ALPG: variants seen among roughly 807,000 people sequenced by gnomAD.
ALPG encodes alkaline phosphatase, germ cell.
Under a neutral mutation model 48.6 loss-of-function variants are expected in ALPG, and 32 were observed. The ratio of observed to expected loss-of-function variants is 0.66; its 90% CI spans 0.50 to 0.88. The LOEUF is 0.88. Ranked by LOEUF, ALPG falls within the 40% of genes least tolerant of loss-of-function variation. The pLI, the probability that ALPG is intolerant of heterozygous loss-of-function variation, is 0.00. For missense variants in ALPG, 533 were observed against 718.1 expected (o/e 0.74, Z 2.95); for synonymous variants, 244 against 308.9 (o/e 0.79, Z 2.20).
Position 232,409,794 on chromosome 2 carries a change from G to C in ALPG, c.1521G>C (p.Pro507=), listed in dbSNP as rs758156383. 10 of 1,598,634 alleles carry C rather than the reference G, an allele frequency of 6.3e-6. No individual in the cohort carries two copies. The highest frequency in any genetic ancestry group is 7.7e-6 in the Non-Finnish European group (9 of 1,173,736). ...PRAGTTDAAH[P]GPSVVPALLP... is the part of the protein sequence containing the mutation. ...CCGGCACCACCGACGCCGCGCACCC[G>C]GGGCCGTCCGTGGTCCCCGCGTTGC... is the stretch of plus-strand genomic sequence containing the variant. Residue 507 remains proline (P), a synonymous_variant, in exon 11 of 11, where the codon CCG becomes CCC. Transcript: ENST00000295453.
In ALPG at chr2:232,407,369, A is replaced by G; in HGVS notation, c.268A>G (p.Met90Val). 2 of 1,613,898 alleles carry G rather than the reference A, an allele frequency of 1.2e-6. No homozygotes were observed. The highest frequency in any genetic ancestry group is 1.7e-6 in the Non-Finnish European group (2 of 1,179,992). Residue 90 changes from methionine (M) to valine (V), a missense_variant, in exon 3 of 11, where the codon ATG (methionine) becomes GTG (valine). Transcript: ENST00000295453. Reference sequence around the variant, plus strand: ...ACTGGGGCCTGAGACCTTCCTGGCCATGGACCGCTTCCCGTACGTGGCTCT... The same window carrying G: ...ACTGGGGCCTGAGACCTTCCTGGCCGTGGACCGCTTCCCGTACGTGGCTCT... ...DKLGPETFLAMDRFPYVALSK... is the reference protein window; with the variant it reads ...DKLGPETFLAVDRFPYVALSK...
In ALPG at chr2:232,407,715, A is replaced by G. The variant is rs1380054893; in HGVS notation, c.422A>G (p.Asn141Ser). 1.2e-6 allele frequency: 2 copies of G among 1,613,788 alleles called. No individual in the cohort carries two copies. Among genetic ancestry groups the G allele is most frequent in the Non-Finnish European group, 1.7e-6 (2 of 1,180,006 alleles). ...LSAAARFNQC[N>S]TTRGNEVISV... Reference sequence around the variant, plus strand: ...GCAGCCGCCCGCTTTAACCAGTGCAACACGACACGCGGCAACGAGGTCATC... The same window carrying G: ...GCAGCCGCCCGCTTTAACCAGTGCAGCACGACACGCGGCAACGAGGTCATC... Residue 141 changes from asparagine to serine, a missense_variant, in exon 4 of 11, where the codon AAC becomes AGC. Asn to Ser is a conservative substitution (Grantham distance 46). Transcript: ENST00000295453.
Position 232,407,637 on chromosome 2 carries a change from C to T in ALPG, c.344C>T (p.Ala115Val), listed in dbSNP as rs1697110676. 1.2e-6 allele frequency: 2 copies of T among 1,613,946 alleles called. No homozygotes were observed. The highest frequency in any genetic ancestry group is 1.7e-6 in the Non-Finnish European group (2 of 1,180,028). ...CATGTGCCAGACAGTGGAGCCACAGCCACGGCCTACCTGTGCGGGGTCAAG... is the reference window on the plus strand; with the variant it reads ...CATGTGCCAGACAGTGGAGCCACAGTCACGGCCTACCTGTGCGGGGTCAAG... ...DKHVPDSGAT[A>V]TAYLCGVKGN... The change falls in exon 4 of 11, where the codon GCC (alanine) becomes GTC (valine). Residue 115 changes from alanine (A) to valine (V), a missense_variant. Coordinates refer to ENST00000295453, the MANE Select transcript of ALPG (RefSeq NM_031313.3).
At position 232,408,023 on chromosome 2, in the gene ALPG, AC is replaced by A; in HGVS notation, c.648+11del. 1.9e-6 allele frequency: 3 copies of A among 1,605,420 alleles called. No homozygotes were observed. The highest frequency in any genetic ancestry group is 2.6e-6 in the Non-Finnish European group (3 of 1,176,010). ...TCTCCAACATGGACATTGATGTGCGACCCCCGGGCCAAGGGCTGGGGCTGGG... is the reference window on the plus strand; with the variant it reads ...TCTCCAACATGGACATTGATGTGCGACCCCGGGCCAAGGGCTGGGGCTGGG... On this transcript the variant is annotated splice_region_variant and intron_variant, in intron 5 of 10. Transcript: ENST00000295453.
intron 4 of ALPG, 24 bp from the exon 5 acceptor site, chr2:232,407,820 AT>A: frequency 6.2e-7 from 1 of 1,613,394 alleles, no homozygotes; most frequent in Non-Finnish European, 8.5e-7. Flanking sequence ...CCTCTATCGC[AT>A]ATCCTGACCT....
Position 232,407,742 on chromosome 2 carries a change from C to T in ALPG, c.449C>T (p.Ser150Phe). Residue 150 changes from serine to phenylalanine, a missense_variant, in exon 4 of 11, where the codon TCC (serine) becomes TTC (phenylalanine). Physicochemically the swap from Ser to Phe is radical, Grantham distance 155 (BLOSUM62 -2). Coordinates refer to ENST00000295453, the MANE Select transcript of ALPG (RefSeq NM_031313.3). Reference sequence around the variant, plus strand: ...ACGACACGCGGCAACGAGGTCATCTCCGTGATGAATCGGGCCAAGAAAGCA... The same window carrying T: ...ACGACACGCGGCAACGAGGTCATCTTCGTGATGAATCGGGCCAAGAAAGCA... The part of the protein sequence containing the change: ...CNTTRGNEVI[S>F]VMNRAKKAGK... 1 of 1,613,818 alleles carries T rather than the reference C, an allele frequency of 6.2e-7. No homozygotes were observed. The highest frequency in any genetic ancestry group is 1.1e-5 in the South Asian group (1 of 90,968).
rs769844172 is a variant in ALPG at position 232,407,588 on chromosome 2, C to T, written c.301-6C>T. On this transcript the variant is annotated splice_region_variant and splice_polypyrimidine_tract_variant and intron_variant, in intron 3 of 10. Transcript: ENST00000295453. ...AGAGAAGAGCTCAGAGTGTCTCTGT[C>T]CCCAGACATACAGTGTAGACAAGCA... 7.4e-6 allele frequency: 12 copies of T among 1,613,622 alleles called. No homozygotes were observed. The East Asian group carries it at 2.5e-4, about 33-fold the overall frequency.
chr2:232,410,127 T>C lies in ALPG; in HGVS notation c.*255T>C. On this transcript the variant is annotated 3_prime_UTR_variant, in exon 11 of 11. Coordinates refer to ENST00000295453, the MANE Select transcript of ALPG (RefSeq NM_031313.3). ...TTTGTGCCTGGCAGCTGCCTGCATT[T>C]CAGGAAAAGAGGAGGCTCAGACCAT... 1.6e-6 allele frequency: 1 copy of C among 612,684 alleles called. No individual in the cohort carries two copies. Among genetic ancestry groups the C allele is most frequent in the South Asian group, 2.1e-5 (1 of 47,962 alleles). The allele number at this position is 612,684 out of a possible 1,614,324, so 38.0% of individuals were successfully genotyped here. A position where few individuals can be genotyped will look rare whatever the true frequency, so the allele number is the denominator to read the frequency against.
Position 232,408,269 on chromosome 2 carries a change from G to A in ALPG, c.651G>A (p.Val217=), listed in dbSNP as rs1488433164. 1 of 1,613,592 alleles carries A rather than the reference G, an allele frequency of 6.2e-7. No homozygotes were observed. Among genetic ancestry groups the A allele is most frequent in the Non-Finnish European group, 8.5e-7 (1 of 1,179,882 alleles). The change falls in exon 6 of 11, where the codon GTG becomes GTA. Residue 217 remains valine (V), a splice_region_variant and synonymous_variant. Transcript: ENST00000295453. ...TQLISNMDID[V]ILGGGRKYMF... ...CCTGCCCCATCCTCTGTTCCCAGGT[G>A]ATCCTAGGTGGAGGCCGAAAGTACA...
In ALPG at chr2:232,407,617, G is replaced by T. The variant is rs766003801; in HGVS notation, c.324G>T (p.Val108=). The T allele has an allele frequency of 1.2e-6, 2 of 1,613,882 alleles. No homozygotes were observed. Among genetic ancestry groups the T allele is most frequent in the Admixed American group, 1.7e-5 (1 of 60,024 alleles). Residue 108 remains valine, a synonymous_variant, in exon 4 of 11, where the codon GTG becomes GTT. Transcript: ENST00000295453. ...AGACATACAGTGTAGACAAGCATGT[G>T]CCAGACAGTGGAGCCACAGCCACGG... ...LSKTYSVDKH[V]PDSGATATAY...
In ALPG at chr2:232,408,028, C is replaced by G. The variant is rs768537631; in HGVS notation, c.648+11C>G. 1.6e-5 allele frequency: 26 copies of G among 1,604,044 alleles called. No homozygotes were observed. In the African/African-American group the frequency reaches 2.3e-4, roughly 14 times the overall value. On this transcript the variant is annotated intron_variant, in intron 5 of 10. Coordinates refer to ENST00000295453, the MANE Select transcript of ALPG (RefSeq NM_031313.3). Reference sequence around the variant, plus strand: ...AACATGGACATTGATGTGCGACCCCCGGGCCAAGGGCTGGGGCTGGGCAGA... The same window carrying G: ...AACATGGACATTGATGTGCGACCCCGGGGCCAAGGGCTGGGGCTGGGCAGA...
At position 232,409,887 on chromosome 2, in the gene ALPG, G is replaced by A. The variant is rs1340297637; in HGVS notation, c.*15G>A. The A allele has an allele frequency of 6.5e-7, 1 of 1,536,654 alleles. No individual in the cohort carries two copies. ...CTGCTCCCTGAGTGTCCCGTCCCTG[G>A]GGCTCCTGCTTCCCCATCCCGGAGT... On this transcript the variant is annotated 3_prime_UTR_variant, in exon 11 of 11. Transcript: ENST00000295453.
chr2:232,407,858 A>T lies in ALPG; in HGVS notation c.489A>T (p.Gly163=), dbSNP rs1308812724. 7 of 1,613,396 alleles carry T rather than the reference A, an allele frequency of 4.3e-6. No individual in the cohort carries two copies. In the African/African-American group the frequency reaches 5.3e-5, roughly 12 times the overall value. Residue 163 remains glycine (G), a synonymous_variant, in exon 5 of 11, where the codon GGA becomes GGT. Transcript: ENST00000295453. Reference sequence around the variant, plus strand: ...TATCACCCTCAGGAAAGTCAGTGGGAGTGGTAACCACCACACGGGTGCAGC... The same window carrying T: ...TATCACCCTCAGGAAAGTCAGTGGGTGTGGTAACCACCACACGGGTGCAGC... The part of the protein sequence containing the change: ...NRAKKAGKSV[G]VVTTTRVQHA...
chr2:232,409,821 T>C lies in ALPG; in HGVS notation c.1548T>C (p.Leu516=). 1 of 1,591,896 alleles carries C rather than the reference T, an allele frequency of 6.3e-7. No individual in the cohort carries two copies. The highest frequency in any genetic ancestry group is 8.5e-7 in the Non-Finnish European group (1 of 1,171,472). The part of the protein sequence containing the change: ...HPGPSVVPAL[L]PLLAGTLLLL... ...GGCCGTCCGTGGTCCCCGCGTTGCT[T>C]CCTCTGCTGGCAGGGACCTTGCTGC... Residue 516 remains leucine, a synonymous_variant, in exon 11 of 11, where the codon CTT becomes CTC. Coordinates refer to ENST00000295453, the MANE Select transcript of ALPG (RefSeq NM_031313.3).
Position 232,407,120 on chromosome 2 carries a change from A to G in ALPG, c.131A>G (p.Lys44Arg), listed in dbSNP as rs1028965676. The change falls in exon 2 of 11, where the codon AAG (lysine) becomes AGG (arginine). Residue 44 changes from lysine (K) to arginine (R), a missense_variant. Transcript: ENST00000295453. The stretch of plus-strand genomic sequence containing the variant: ...GCCGAGGCCCTGGGTGCCGCCAAGA[A>G]GCTGCAGCCTGCACAGACAGCCGCC... Reference protein sequence around the residue: ...QAAEALGAAKKLQPAQTAAKN... With the variant: ...QAAEALGAAKRLQPAQTAAKN... The G allele has an allele frequency of 1.5e-5, 25 of 1,613,828 alleles. No homozygotes were observed. The highest frequency in any genetic ancestry group is 1.9e-5 in the Non-Finnish European group (23 of 1,180,018).
At position 232,407,827 on chromosome 2, in the gene ALPG, G is replaced by C; in HGVS notation, c.476-18G>C. 6.2e-7 allele frequency: 1 copy of C among 1,613,678 alleles called. No homozygotes were observed. Among genetic ancestry groups the C allele is most frequent in the Non-Finnish European group, 8.5e-7 (1 of 1,180,034 alleles). On this transcript the variant is annotated intron_variant, in intron 4 of 10. Transcript: ENST00000295453. The stretch of plus-strand genomic sequence containing the variant: ...GTGACAGACCTCTATCGCATATCCT[G>C]ACCTCTATCACCCTCAGGAAAGTCA...
chr2:232,407,049 CT>C lies in ALPG; in HGVS notation c.68-7del, dbSNP rs1418436789. ...GGCTGACCTGATCTTTGCTCTCCCC[CT>C]GGCCAGTTGAGGAGGAGAACCCGGA... On this transcript the variant is annotated splice_region_variant and splice_polypyrimidine_tract_variant and intron_variant, in intron 1 of 10. Coordinates refer to ENST00000295453, the MANE Select transcript of ALPG (RefSeq NM_031313.3). The C allele has an allele frequency of 3.1e-6, 5 of 1,613,748 alleles. No homozygotes were observed. The highest frequency in any genetic ancestry group is 1.1e-5 in the South Asian group (1 of 90,970).
In ALPG at chr2:232,406,900, G is replaced by A. The variant is rs577412600; in HGVS notation, c.6G>A (p.Gln2=). M[Q]GPWVLLLLGL... is the part of the protein sequence containing the mutation. Reference sequence around the variant, plus strand: ...CTCTCCGACTGCTTCCAGACATGCAGGGGCCCTGGGTGCTGCTCCTGCTGG... The same window carrying A: ...CTCTCCGACTGCTTCCAGACATGCAAGGGCCCTGGGTGCTGCTCCTGCTGG... Residue 2 remains glutamine (Q), a synonymous_variant, in exon 1 of 11, where the codon CAG becomes CAA. Transcript: ENST00000295453. 2.5e-6 allele frequency: 4 copies of A among 1,612,002 alleles called. No homozygotes were observed. Among genetic ancestry groups the A allele is most frequent in the South Asian group, 1.1e-5 (1 of 90,698 alleles).
intron 1 of ALPG, 47 bp downstream of exon 1, chr2:232,407,008 G>C (rs1280528231): frequency 6.3e-7 from 1 of 1,599,964 alleles, no homozygotes; most frequent in East Asian, 2.3e-5. Context: ...ACACACACAG[G>C]GCACCCCCCA....
Sources: gnomAD v4.1 joint callset for allele counts on GRCh38, gnomAD v4.1.1 for gene constraint, MANE v1.5 for transcripts, NCBI Gene and HGNC (gene_info 2026-07-23, HGNC 2026-07-21) for gene names.